Variants in PTK2 observed in about 807,000 individuals in gnomAD.
PTK2 encodes the protein focal adhesion kinase 1.
In PTK2, 45 loss-of-function variants were observed where a neutral mutation model predicts 150.1. That is an observed-to-expected ratio of 0.30 (90% CI 0.24 to 0.38). The LOEUF (loss-of-function observed/expected upper bound fraction) is 0.38. Ranked by LOEUF, PTK2 falls within the 10% of genes least tolerant of loss-of-function variation. The probability of loss-of-function intolerance (pLI) is 1.00; values close to 1 mark genes in which losing one functional copy is unlikely to be tolerated. For missense variants in PTK2, 919 were observed against 1,307.3 expected (o/e 0.70, Z 4.58); for synonymous variants, 432 against 449.2 (o/e 0.96, Z 0.48).
intron 1 of PTK2, among the ~76,000 whole-genome samples, chr8:140,985,752 C>G (rs1287046645): frequency 6.6e-6 from 1 of 152,208 alleles, no homozygotes; most frequent in East Asian, 1.9e-4. Flanking sequence ...GACACTGGGT[C>G]TAAGACACAG....
At chr8:140,717,554 G>T (rs781263907) in intron 23 of PTK2, 44 bp downstream of exon 26, 2 of 1,454,796 alleles carry the variant, frequency 1.4e-6, no homozygotes, top group Non-Finnish European at 1.9e-6. Flanking sequence ...AATCTTGAAA[G>T]TTAGTAAGAG....
chr8:140,861,240 T>C (rs1481442075), intron 5 of PTK2, among the ~76,000 whole-genome samples: 1 of 152,100 alleles, frequency 6.6e-6, no homozygotes, highest in Non-Finnish European at 1.5e-5. Context: ...TCCCAACTAC[T>C]CAGGAGGCTG....
chr8:140,890,171 A>C (rs1278014212), intron 3 of PTK2: 1 of 191,996 alleles, frequency 5.2e-6, no homozygotes, highest in African/African-American at 2.4e-5. Context: ...AAGTCATGCA[A>C]ATACCTTCCA....
intron 5 of PTK2, among the ~76,000 whole-genome samples, chr8:140,859,527 T>C (rs2100134802): frequency 6.6e-6 from 1 of 152,192 alleles, no homozygotes; most frequent in South Asian, 2.1e-4. Flanking sequence ...GTTATGTATA[T>C]ATGTATCCAT....
In PTK2 at chr8:140,942,716, A is replaced by G. The variant is rs751052379; in HGVS notation, c.-121-16967T>C. ...ATATAAGTCACTTTTTCTTCTCTTTAAAGTTTTATTTCTTGAGGCATAACG... is the reference window on the plus strand; with the variant it reads ...ATATAAGTCACTTTTTCTTCTCTTTGAAGTTTTATTTCTTGAGGCATAACG... On this transcript the variant is annotated intron_variant, in intron 1 of 31. Transcript: ENST00000522684. Among the ~76,000 whole-genome samples, 104 of 152,252 alleles carry G rather than the reference A, an allele frequency of 6.8e-4. 1 individual carries two copies. The highest frequency in any genetic ancestry group is 4.0e-4 in the Non-Finnish European group (27 of 68,022).
Position 140,864,484 on chromosome 8 carries a change from C to T in PTK2, c.363-85G>A, listed in dbSNP as rs888907729. The T allele has an allele frequency of 5.4e-5, 35 of 649,830 alleles. No individual in the cohort carries two copies. The African/African-American group carries it at 6.2e-4, about 12-fold the overall frequency. The allele number at this position is 649,830 out of a possible 1,614,324, so 40.3% of individuals were successfully genotyped here. ...TACAATTATAATATTGTGAGTATAG[C>T]ATTCCTAATTACTCTGAAAGATGAT... is the stretch of plus-strand genomic sequence containing the variant. On this transcript the variant is annotated intron_variant, in intron 4 of 31. Transcript: ENST00000522684.
At chr8:140,999,378 G>A (rs1382087218) in intron 1 of PTK2, among the ~76,000 whole-genome samples, 2 of 152,206 alleles carry the variant, frequency 1.3e-5, no homozygotes, top group Admixed American at 1.3e-4. Context: ...GGAAAACCTT[G>A]TAATATTGAT....
At chr8:140,981,103 A>AG (rs1205132621) in intron 1 of PTK2, among the ~76,000 whole-genome samples, 11 of 151,608 alleles carry the variant, frequency 7.3e-5, no homozygotes, top group African/African-American at 2.7e-4. Flanking sequence ...CTGGAAAAAA[A>AG]AAAAAAGAAA....
At position 140,979,491 on chromosome 8, in the gene PTK2, C is replaced by A. The variant is rs139552448; in HGVS notation, c.-122+21634G>T. ...TATTAAAAGTGGCTCAACATCATTA[C>A]TAATAAGGGAAGTTCAAATTAAAGC... On this transcript the variant is annotated intron_variant, in intron 1 of 31. Transcript: ENST00000522684. Among the ~76,000 whole-genome samples the A allele has an allele frequency of 5.7e-3, 856 of 150,508 alleles. 9 individuals carry two copies. The highest frequency in any genetic ancestry group is 0.02 in the African/African-American group (817 of 41,084).
At chr8:140,946,633 T>A (rs2100177793) in intron 1 of PTK2, among the ~76,000 whole-genome samples, 1 of 152,206 alleles carries the variant, frequency 6.6e-6, no homozygotes, top group Admixed American at 6.5e-5. Flanking sequence ...CTCCTTTGTA[T>A]TTAGCTCAAA....
At chr8:140,926,378 T>C (rs1362079454) in intron 1 of PTK2, among the ~76,000 whole-genome samples, 2 of 152,096 alleles carry the variant, frequency 1.3e-5, no homozygotes, top group Admixed American at 1.3e-4. Context: ...CCACCTATAG[T>C]ATCACCTACC....
intron 1 of PTK2, among the ~76,000 whole-genome samples, chr8:140,960,769 G>A (rs1324762729): frequency 6.6e-6 from 1 of 152,064 alleles, no homozygotes; most frequent in Non-Finnish European, 1.5e-5. Flanking sequence ...ATCACCTGAG[G>A]TCAGGAGTTA....
chr8:140,751,413 C>T (rs1057000673), intron 17 of PTK2, among the ~76,000 whole-genome samples: 8 of 152,092 alleles, frequency 5.3e-5, no homozygotes, highest in African/African-American at 1.7e-4. Context: ...AATCCTCTCA[C>T]CTCGGCCTCC....
chr8:140,712,038 A>G (rs1348467543), intron 23 of PTK2, among the ~76,000 whole-genome samples: 6 of 152,210 alleles, frequency 3.9e-5, no homozygotes, highest in Non-Finnish European at 8.8e-5. Flanking sequence ...CAAACATTTA[A>G]TCATTTTCAG....
chr8:140,950,618 C>A (rs746183606), intron 1 of PTK2, among the ~76,000 whole-genome samples: 1 of 152,246 alleles, frequency 6.6e-6, no homozygotes, highest in African/African-American at 2.4e-5. Context: ...AGTAGGCGAA[C>A]AAGCCCAGTG....
At chr8:140,712,445 T>C (rs965810668) in intron 23 of PTK2, among the ~76,000 whole-genome samples, 3 of 152,222 alleles carry the variant, frequency 2.0e-5, no homozygotes, top group Non-Finnish European at 4.4e-5. Context: ...ACAACTGTGG[T>C]ATTGTTTTTT....
At chr8:140,822,485 T>C (rs1170021634) in intron 8 of PTK2, 1 of 152,130 alleles carries the variant, frequency 6.6e-6, no homozygotes, top group Non-Finnish European at 1.5e-5. Context: ...ATTTTTCATA[T>C]ATTACTGAGC....
chr8:140,999,856 A>C (rs1474752042), intron 1 of PTK2, among the ~76,000 whole-genome samples: 1 of 152,122 alleles, frequency 6.6e-6, no homozygotes, highest in African/African-American at 2.4e-5. Context: ...GTTAAGTCTT[A>C]AATACAAATC....
intron 1 of PTK2, among the ~76,000 whole-genome samples, chr8:140,939,948 T>C (rs1021228304): frequency 9.2e-5 from 14 of 152,156 alleles, no homozygotes; most frequent in African/African-American, 2.9e-4. Flanking sequence ...AGGAATCATC[T>C]GAAAGATGAG....
Sources: allele counts gnomAD v4.1 joint callset (sites outside exome capture counted in the v4.1 genomes callset), GRCh38; gene constraint gnomAD v4.1.1; transcripts MANE v1.5; gene names NCBI Gene and HGNC (gene_info 2026-07-23, HGNC 2026-07-21).